Variants in PPP2R2A observed in about 807,000 individuals in gnomAD.
The protein encoded by PPP2R2A is serine/threonine-protein phosphatase 2A 55 kDa regulatory subunit B alpha isoform.
In PPP2R2A, 9 loss-of-function variants were observed where a neutral mutation model predicts 53.2. The ratio of observed to expected loss-of-function variants is 0.17; its 90% CI spans 0.10 to 0.30. The LOEUF (loss-of-function observed/expected upper bound fraction) is 0.30, where lower values mean the gene tolerates loss of function less well. Among genes scored for constraint, PPP2R2A ranks in the 10% least tolerant of loss-of-function variants. The pLI, the probability that PPP2R2A is intolerant of heterozygous loss-of-function variation, is 1.00. For missense variants in PPP2R2A, 235 were observed against 534.6 expected, an observed-to-expected ratio of 0.44 and a Z score of 5.53; for synonymous variants, 169 against 174.2, an observed-to-expected ratio of 0.97 and a Z score of 0.23.
At position 26,320,339 on chromosome 8, in the gene PPP2R2A, A is replaced by C. The variant is rs533339133; in HGVS notation, c.83-18551A>C. ...CAGCAAATACGTTGCTGCCTGATTC[A>C]GTTTTGGTTGATTCTTCCCCTCCGA... On this transcript the variant is annotated intron_variant, in intron 2 of 9. Transcript: ENST00000380737. Among the ~76,000 whole-genome samples the C allele has an allele frequency of 1.5e-4, 23 of 152,312 alleles. 1 individual carries two copies. The South Asian group carries it at 4.6e-3, about 30-fold the overall frequency.
Position 26,362,773 on chromosome 8 carries a change from G to A in PPP2R2A, c.727G>A (p.Val243Ile). 6.2e-7 allele frequency: 1 copy of A among 1,613,462 alleles called. No individual in the cohort carries two copies. Among genetic ancestry groups the A allele is most frequent in the Non-Finnish European group, 8.5e-7 (1 of 1,179,388 alleles). Residue 243 changes from valine to isoleucine, a missense_variant, in exon 7 of 10, where the codon GTA (valine) becomes ATA (isoleucine). Val to Ile is a conservative substitution (Grantham distance 29). Coordinates refer to ENST00000380737, the MANE Select transcript of PPP2R2A (RefSeq NM_002717.4). This position sits in a 1 kb window ranked among gnomAD's most constrained non-coding sequence, Gnocchi z 4.4. Reference sequence around the variant, plus strand: ...TCATCCAAACAGCTGTAACACATTTGTATACAGCAGCAGTAAAGGAACTAT... The same window carrying A: ...TCATCCAAACAGCTGTAACACATTTATATACAGCAGCAGTAAAGGAACTAT... ...EFHPNSCNTF[V>I]YSSSKGTIRL...
rs1803761047 is a variant in PPP2R2A, at chr8:26,338,088, A to T, written c.83-802A>T. Among the ~76,000 whole-genome samples the T allele has an allele frequency of 6.6e-6, 1 of 152,236 alleles. No homozygotes were observed. Among genetic ancestry groups the T allele is most frequent in the African/African-American group, 2.4e-5 (1 of 41,466 alleles). Reference sequence around the variant, plus strand: ...GATAGGGGCTTTTCTAATTCAGCTTAATGCTTTATAGTGAAGAACTTCTTA... The same window carrying T: ...GATAGGGGCTTTTCTAATTCAGCTTTATGCTTTATAGTGAAGAACTTCTTA... On this transcript the variant is annotated intron_variant, in intron 2 of 9. Coordinates refer to ENST00000380737, the MANE Select transcript of PPP2R2A (RefSeq NM_002717.4). This position sits in a 1 kb window ranked among gnomAD's most constrained non-coding sequence, Gnocchi z 4.5.
intron 2 of PPP2R2A, among the ~76,000 whole-genome samples, chr8:26,334,478 G>C (rs1803549768): frequency 6.6e-6 from 1 of 152,094 alleles, no homozygotes; most frequent in Admixed American, 6.5e-5. Flanking sequence ...AGGTACGGTG[G>C]CTCACGCCTG....
intron 6 of PPP2R2A, among the ~76,000 whole-genome samples, chr8:26,361,975 A>G (rs1323217639): frequency 2.0e-5 from 3 of 149,016 alleles, no homozygotes; most frequent in Middle Eastern, 3.3e-3. Flanking sequence ...AAATATATAT[A>G]TATAGATTTA....
At chr8:26,311,288 A>G (rs1249753304) in intron 2 of PPP2R2A, among the ~76,000 whole-genome samples, 1 of 152,208 alleles carries the variant, frequency 6.6e-6, no homozygotes, top group African/African-American at 2.4e-5. Context: ...TAGCAGAAGA[A>G]TAAAAGCCTA....
intron 4 of PPP2R2A, among the ~76,000 whole-genome samples, chr8:26,356,712 A>G (rs988423942): frequency 2.6e-5 from 4 of 152,190 alleles, no homozygotes; most frequent in Admixed American, 6.5e-5. Flanking sequence ...ATATTGGAAT[A>G]TTTTTATGTC....
At chr8:26,298,109 G>C (rs1801622178) in intron 2 of PPP2R2A, among the ~76,000 whole-genome samples, 2 of 152,236 alleles carry the variant, frequency 1.3e-5, no homozygotes, top group South Asian at 4.1e-4. Flanking sequence ...GAAGGGCTGG[G>C]GAGGCCCTTG....
chr8:26,296,499 C>G (rs762631444), intron 2 of PPP2R2A, among the ~76,000 whole-genome samples: 3 of 152,182 alleles, frequency 2.0e-5, no homozygotes, highest in African/African-American at 7.2e-5. Context: ...TCAAGTCACG[C>G]CTTTAACCTT....
At chr8:26,356,560 A>T (rs1232602671) in intron 4 of PPP2R2A, among the ~76,000 whole-genome samples, 1 of 152,248 alleles carries the variant, frequency 6.6e-6, no homozygotes, top group African/African-American at 2.4e-5. Flanking sequence ...TTTAATTTAT[A>T]TGGTAAACTA....
intron 2 of PPP2R2A, among the ~76,000 whole-genome samples, chr8:26,294,663 C>G (rs938539503): frequency 6.6e-6 from 1 of 151,998 alleles, no homozygotes. Context: ...CCTTTTTTCC[C>G]TAGATTGTGT....
intron 2 of PPP2R2A, among the ~76,000 whole-genome samples, chr8:26,331,130 C>T (rs535317812): frequency 2.6e-4 from 39 of 152,246 alleles, no homozygotes; most frequent in African/African-American, 8.9e-4. Context: ...TCTGCCTTTA[C>T]GTTGTAGCTG....
At chr8:26,344,504 T>A (rs1343112903) in intron 3 of PPP2R2A, among the ~76,000 whole-genome samples, 1 of 152,234 alleles carries the variant, frequency 6.6e-6, no homozygotes, top group Non-Finnish European at 1.5e-5. Context: ...CTTAGACTTT[T>A]TAATATGAGC....
intron 8 of PPP2R2A, among the ~76,000 whole-genome samples, chr8:26,364,405 C>T (rs919833357): frequency 3.3e-5 from 5 of 152,130 alleles, no homozygotes; most frequent in African/African-American, 7.2e-5. Context: ...GTTGCCTATC[C>T]GTTGTTGGAT....
At chr8:26,358,893 T>C in intron 4 of PPP2R2A, 1 of 455,846 alleles carries the variant, frequency 2.2e-6, no homozygotes. Flanking sequence ...GTATAACTTA[T>C]TTCTCCCTTT....
At chr8:26,324,912 C>T (rs1165554734) in intron 2 of PPP2R2A, among the ~76,000 whole-genome samples, 2 of 151,666 alleles carry the variant, frequency 1.3e-5, no homozygotes, top group Non-Finnish European at 1.5e-5. Flanking sequence ...TGCTGGATTT[C>T]GGACTTGCAT....
At chr8:26,291,935 T>G in intron 1 of PPP2R2A, 109 bp downstream of exon 1, 2 of 1,006,150 alleles carry the variant, frequency 2.0e-6, no homozygotes, top group Non-Finnish European at 1.4e-6. Flanking sequence ...AGGGCGCCCC[T>G]CGGGTTTGAG....
chr8:26,340,675 C>T (rs977621245), intron 3 of PPP2R2A, among the ~76,000 whole-genome samples: 1 of 151,790 alleles, frequency 6.6e-6, no homozygotes, highest in Non-Finnish European at 1.5e-5. Context: ...CTCCTGTGGT[C>T]GTTTGTTGTC....
chr8:26,338,862 C>G lies in PPP2R2A; in HGVS notation c.83-28C>G. ...TGAGTCGGGAAAGAAAAACTAATAT[C>G]TTTTTTTGTTTTGTCTCAATTATAC... is the stretch of plus-strand genomic sequence containing the variant. On this transcript the variant is annotated intron_variant, in intron 2 of 9. Coordinates refer to ENST00000380737, the MANE Select transcript of PPP2R2A (RefSeq NM_002717.4). This position sits in a 1 kb window ranked among gnomAD's most constrained non-coding sequence, Gnocchi z 4.5. The G allele has an allele frequency of 6.8e-7, 1 of 1,473,442 alleles. No homozygotes were observed. Among genetic ancestry groups the G allele is most frequent in the Non-Finnish European group, 9.4e-7 (1 of 1,065,064 alleles). 91.3% of individuals were successfully genotyped at this position (1,473,442 alleles called of 1,614,324 possible).
At chr8:26,335,886 A>T (rs1208180464) in intron 2 of PPP2R2A, among the ~76,000 whole-genome samples, 1 of 152,220 alleles carries the variant, frequency 6.6e-6, no homozygotes, top group African/African-American at 2.4e-5. Context: ...TACGCTAAAA[A>T]TGTCATCATA....
Sources: gnomAD v4.1 joint callset for allele counts (sites outside exome capture counted in the v4.1 genomes callset) on GRCh38, gnomAD v4.1.1 for gene constraint, Gnocchi (gnomAD v3.1) non-coding constraint, MANE v1.5 for transcripts, NCBI Gene and HGNC (gene_info 2026-07-23, HGNC 2026-07-21) for gene names.